Variants in CLCN1 observed in about 807,000 individuals in gnomAD.
The protein encoded by CLCN1 is chloride voltage-gated channel 1, also known as chloride channel protein 1.
Under a neutral mutation model 114.5 loss-of-function variants are expected in CLCN1, and 100 were observed. The observed-to-expected ratio is 0.87, with a 90% CI of 0.74 to 1.03. CLCN1 has a LOEUF of 1.03. Among genes scored for constraint, CLCN1 ranks in the 50% least tolerant of loss-of-function variants. The pLI, the probability that CLCN1 is intolerant of heterozygous loss-of-function variation, is 0.00. For missense variants in CLCN1, 1,188 were observed against 1,250.0 expected (o/e 0.95, Z 0.75); for synonymous variants, 485 against 487.1 (o/e 1.00, Z 0.06).
At chr7:143,338,495 G>A (rs1802975234) in intron 12 of CLCN1, among the ~76,000 whole-genome samples, 1 of 152,008 alleles carries the variant, frequency 6.6e-6, no homozygotes, top group Admixed American at 6.6e-5. Context: ...CTTAGAACTG[G>A]AGCTCCTTGG....
Position 143,321,424 on chromosome 7 carries a change from G to C in CLCN1, c.493G>C (p.Val165Leu). 6.2e-7 allele frequency: 1 copy of C among 1,614,186 alleles called. No individual in the cohort carries two copies. The highest frequency in any genetic ancestry group is 8.5e-7 in the Non-Finnish European group (1 of 1,180,038). Reference protein sequence around the residue: ...PSLPLQFLVWVTFPLVLILFS... With the variant: ...PSLPLQFLVWLTFPLVLILFS... Reference sequence around the variant, plus strand: ...CCTTCCTCTGCAGTTCCTGGTCTGGGTCACCTTCCCACTAGTCCTCATCCT... The same window carrying C: ...CCTTCCTCTGCAGTTCCTGGTCTGGCTCACCTTCCCACTAGTCCTCATCCT... Residue 165 changes from valine to leucine, a missense_variant, in exon 4 of 23, where the codon GTC (valine) becomes CTC (leucine). Coordinates refer to ENST00000343257, the MANE Select transcript of CLCN1 (RefSeq NM_000083.3). The surrounding 1 kb of genome is among the most constrained non-coding windows in gnomAD (Gnocchi z 4.2).
At chr7:143,340,705 G>C (rs1256079674) in intron 14 of CLCN1, among the ~76,000 whole-genome samples, 1 of 152,078 alleles carries the variant, frequency 6.6e-6, no homozygotes, top group Non-Finnish European at 1.5e-5. Flanking sequence ...GCTAATTTTT[G>C]TAATTTTAGT....
chr7:143,318,044 G>C (rs1802333149), intron 1 of CLCN1, among the ~76,000 whole-genome samples: 1 of 152,124 alleles, frequency 6.6e-6, no homozygotes. Context: ...CAAGAGTTTG[G>C]ATTAGTTTTT....
chr7:143,346,980 A>G (rs758043895), intron 20 of CLCN1, 31 bp downstream of exon 20: 1 of 1,584,890 alleles, frequency 6.3e-7, no homozygotes, highest in Admixed American at 1.7e-5. Flanking sequence ...CCTGGGGTGG[A>G]TTGTTCTATC....
Position 143,350,726 on chromosome 7 carries a change from A to G in CLCN1, c.2595+72A>G. 1 of 1,080,896 alleles carries G rather than the reference A, an allele frequency of 9.3e-7. No individual in the cohort carries two copies. Among genetic ancestry groups the G allele is most frequent in the South Asian group, 1.3e-5 (1 of 79,412 alleles). The allele number at this position is 1,080,896 out of a possible 1,614,324, so 67.0% of individuals were successfully genotyped here. The stretch of plus-strand genomic sequence containing the variant: ...TAGGATAAGGGGATGCAGTGGGGAC[A>G]GAAGGAATATTAGCATCTCAGAAGT... On this transcript the variant is annotated intron_variant, in intron 22 of 22. Coordinates refer to ENST00000343257, the MANE Select transcript of CLCN1 (RefSeq NM_000083.3). This position sits in a 1 kb window ranked among gnomAD's most constrained non-coding sequence, Gnocchi z 5.1.
chr7:143,347,035 G>T, intron 20 of CLCN1, 86 bp downstream of exon 20: 1 of 1,178,870 alleles, frequency 8.5e-7, no homozygotes, highest in Non-Finnish European at 1.3e-6. Flanking sequence ...TTATTGTGTT[G>T]TCATGAAATA....
Position 143,339,340 on chromosome 7 carries a change from G to A in CLCN1, c.1471+18G>A, listed in dbSNP as rs1192073887. 6.3e-7 allele frequency: 1 copy of A among 1,594,554 alleles called. No homozygotes were observed. The highest frequency in any genetic ancestry group is 1.7e-5 in the Admixed American group (1 of 60,002). On this transcript the variant is annotated intron_variant, in intron 13 of 22. Transcript: ENST00000343257. This position sits in a 1 kb window ranked among gnomAD's most constrained non-coding sequence, Gnocchi z 4.1. Reference sequence around the variant, plus strand: ...TGTGCTAGGTAAGTTCTGATGGGAAGCCTGGGGTCTGACTGAGAGTTGCAA... The same window carrying A: ...TGTGCTAGGTAAGTTCTGATGGGAAACCTGGGGTCTGACTGAGAGTTGCAA...
rs772152846 is a variant in CLCN1, at chr7:143,316,270, C to A, written c.58C>A (p.Pro20Thr). The stretch of plus-strand genomic sequence containing the variant: ...TGAACAAAGCTGGTGGGGTAGTGAC[C>A]CCCAGTACCAGTATATGCCCTTTGA... ...GGEQSWWGSD[P>T]QYQYMPFEHC... The change falls in exon 1 of 23, where the codon CCC becomes ACC. Residue 20 changes from proline (P) to threonine (T), a missense_variant. By Grantham distance (38) the Pro-to-Thr change is conservative. Coordinates refer to ENST00000343257, the MANE Select transcript of CLCN1 (RefSeq NM_000083.3). The A allele has an allele frequency of 2.5e-6, 4 of 1,613,502 alleles. No homozygotes were observed. In the African/African-American group the frequency reaches 5.3e-5, roughly 22 times the overall value.
Position 143,321,286 on chromosome 7 carries a change from A to T in CLCN1, c.434-79A>T. ...CACAGAAGGAGCACGGCCTGAGAACATGCCGGGTACACGTCCTGGTGCCGT... is the reference window on the plus strand; with the variant it reads ...CACAGAAGGAGCACGGCCTGAGAACTTGCCGGGTACACGTCCTGGTGCCGT... On this transcript the variant is annotated intron_variant, in intron 3 of 22. Transcript: ENST00000343257. The surrounding 1 kb of genome is among the most constrained non-coding windows in gnomAD (Gnocchi z 4.2). 1.3e-6 allele frequency: 2 copies of T among 1,557,372 alleles called. No homozygotes were observed. The highest frequency in any genetic ancestry group is 2.3e-5 in the East Asian group (1 of 43,768).
chr7:143,350,347 G>T lies in CLCN1; in HGVS notation c.2404-25G>T. 6.2e-7 allele frequency: 1 copy of T among 1,601,016 alleles called. No homozygotes were observed. The highest frequency in any genetic ancestry group is 8.6e-7 in the Non-Finnish European group (1 of 1,168,934). ...GGTGAAAGGAGGCTCTGTGATTTTC[G>T]TGACTTTCCTCCTCTGGCTGACAGA... On this transcript the variant is annotated intron_variant, in intron 20 of 22. Coordinates refer to ENST00000343257, the MANE Select transcript of CLCN1 (RefSeq NM_000083.3). This position sits in a 1 kb window ranked among gnomAD's most constrained non-coding sequence, Gnocchi z 5.1.
At chr7:143,351,473 C>G in intron 22 of CLCN1, 121 bp from the exon 23 acceptor site, 1 of 1,104,602 alleles carries the variant, frequency 9.1e-7, no homozygotes, top group Non-Finnish European at 1.3e-6. Flanking sequence ...TTTTGCCACT[C>G]TATATCTTTC....
At chr7:143,319,189 C>A (rs1397565848) in intron 1 of CLCN1, among the ~76,000 whole-genome samples, 1 of 152,118 alleles carries the variant, frequency 6.6e-6, no homozygotes, top group African/African-American at 2.4e-5. Flanking sequence ...CGGGCTAGTT[C>A]TTGTGTGTGC....
Position 143,351,611 on chromosome 7 carries a change from G to A in CLCN1, c.2613G>A (p.Glu871=), listed in dbSNP as rs1265816410. Residue 871 remains glutamate, a synonymous_variant, in exon 23 of 23, where the codon GAG becomes GAA. Coordinates refer to ENST00000343257, the MANE Select transcript of CLCN1 (RefSeq NM_000083.3). ...LALEELQKAI[E]GHTKSGVQLR... is the part of the protein sequence containing the mutation. ...CTCTTCAGCTACAGAAGGCCATTGA[G>A]GGGCACACCAAGTCTGGGGTGCAGC... 2.5e-6 allele frequency: 4 copies of A among 1,613,988 alleles called. No homozygotes were observed. The South Asian group carries it at 4.4e-5, about 18-fold the overall frequency.
chr7:143,329,690 T>C (rs759001408), intron 7 of CLCN1, among the ~76,000 whole-genome samples: 2 of 152,172 alleles, frequency 1.3e-5, no homozygotes, highest in Non-Finnish European at 2.9e-5. Flanking sequence ...GGGACAAACC[T>C]GCCTAGTTCA....
At chr7:143,323,218 T>G in intron 5 of CLCN1, 91 bp from the exon 6 acceptor site, 1 of 792,504 alleles carries the variant, frequency 1.3e-6, no homozygotes. Flanking sequence ...CCTGGCACAG[T>G]GCCTGGAGTA....
chr7:143,342,339 G>A (rs1250313210), intron 15 of CLCN1, 33 bp from the exon 16 acceptor site: 6 of 1,613,398 alleles, frequency 3.7e-6, no homozygotes, highest in African/African-American at 1.3e-5. Context: ...GGTATACGGT[G>A]GGGCTAACCC....
At chr7:143,330,067 T>C (rs916613252) in intron 7 of CLCN1, among the ~76,000 whole-genome samples, 1 of 152,210 alleles carries the variant, frequency 6.6e-6, no homozygotes, top group African/African-American at 2.4e-5. Context: ...TCACCCACCT[T>C]TCTTAAGCAT....
At chr7:143,318,529 T>G (rs946157141) in intron 1 of CLCN1, among the ~76,000 whole-genome samples, 1 of 152,146 alleles carries the variant, frequency 6.6e-6, no homozygotes, top group Non-Finnish European at 1.5e-5. Context: ...TGCTTCCACC[T>G]TGGAATACTT....
In CLCN1 at chr7:143,346,186, C is replaced by G. The variant is rs139262486; in HGVS notation, c.2219C>G (p.Ser740Cys). Reference sequence around the variant, plus strand: ...CACCCCTCTACTACTGCCCCTCTGTCCCCAGAAGAGCCCAATGGGCCTCTG... The same window carrying G: ...CACCCCTCTACTACTGCCCCTCTGTGCCCAGAAGAGCCCAATGGGCCTCTG... ...ALHPSTTAPL[S>C]PEEPNGPLPG... The change falls in exon 18 of 23, where the codon TCC (serine) becomes TGC (cysteine). Residue 740 changes from serine (S) to cysteine (C), a missense_variant. Physicochemically the swap from Ser to Cys is moderately radical, Grantham distance 112 (BLOSUM62 -1). Coordinates refer to ENST00000343257, the MANE Select transcript of CLCN1 (RefSeq NM_000083.3). 7.2e-5 allele frequency: 116 copies of G among 1,613,666 alleles called. No individual in the cohort carries two copies. The African/African-American group carries it at 1.4e-3, about 20-fold the overall frequency.
Sources: gnomAD v4.1 joint callset for allele counts (sites outside exome capture counted in the v4.1 genomes callset) on GRCh38, gnomAD v4.1.1 for gene constraint, Gnocchi (gnomAD v3.1) non-coding constraint, MANE v1.5 for transcripts, NCBI Gene and HGNC (gene_info 2026-07-23, HGNC 2026-07-21) for gene names.